RALYL: variants seen among roughly 807,000 people sequenced by gnomAD.
RALYL encodes the protein RALY RNA binding protein like, also known as RNA-binding Raly-like protein.
In RALYL, 29 loss-of-function variants were observed where a neutral mutation model predicts 35.1. That is an observed-to-expected ratio of 0.83 (90% confidence interval 0.61 to 1.13). The LOEUF (loss-of-function observed/expected upper bound fraction) is 1.13, where lower values mean the gene tolerates loss of function less well. Among genes scored for constraint, RALYL ranks in the 50% most tolerant of loss-of-function variants. The probability of loss-of-function intolerance (pLI) is 0.00; values close to 1 mark genes in which losing one functional copy is unlikely to be tolerated. For synonymous variants in RALYL, 120 were observed against 127.6 expected (o/e 0.94, Z 0.40); for missense variants, 359 against 360.4 (o/e 1.00, Z 0.03).
intron 2 of RALYL, among the ~76,000 whole-genome samples, chr8:84,647,567 A>G (rs1303135030): frequency 2.6e-5 from 4 of 152,100 alleles, no homozygotes; most frequent in Non-Finnish European, 5.9e-5. Context: ...TATAACCCAG[A>G]ATATGCAGTT....
intron 1 of RALYL, among the ~76,000 whole-genome samples, chr8:84,227,061 T>G (rs1009644688): frequency 8.0e-5 from 11 of 137,990 alleles, no homozygotes; most frequent in African/African-American, 3.0e-4. Flanking sequence ...TATTTCTTTT[T>G]TTTTTTTTTT....
rs1054194171 is a variant in RALYL at position 84,825,966 on chromosome 8, A to G, written c.365+21164A>G. On this transcript the variant is annotated intron_variant, in intron 4 of 8. Transcript: ENST00000521268. ...GTACACATACACCATGGAATACTAC[A>G]CAGACATGAAAAATAATAAAATTAT... Among the ~76,000 whole-genome samples, 4 of 152,170 alleles carry G rather than the reference A, an allele frequency of 2.6e-5. 1 individual carries two copies. Among genetic ancestry groups the G allele is most frequent in the African/African-American group, 9.7e-5 (4 of 41,414 alleles).
At chr8:84,614,887 C>A (rs1819109707) in intron 2 of RALYL, among the ~76,000 whole-genome samples, 1 of 150,588 alleles carries the variant, frequency 6.6e-6, no homozygotes, top group Admixed American at 6.6e-5. Context: ...CAGAATTATC[C>A]AGGAGGATAT....
intron 1 of RALYL, among the ~76,000 whole-genome samples, chr8:84,218,393 A>G (rs1459988173): frequency 6.6e-6 from 1 of 151,202 alleles, no homozygotes; most frequent in Non-Finnish European, 1.5e-5. Context: ...ATACACCATT[A>G]TTTTCTTAAA....
chr8:84,617,109 T>A (rs1434860271), intron 2 of RALYL, among the ~76,000 whole-genome samples: 1 of 150,586 alleles, frequency 6.6e-6, no homozygotes, highest in Non-Finnish European at 1.5e-5. Context: ...TTTAAAGTAG[T>A]TTTTTCCAAT....
At chr8:84,311,915 T>C (rs1444729760) in intron 1 of RALYL, among the ~76,000 whole-genome samples, 3 of 152,198 alleles carry the variant, frequency 2.0e-5, no homozygotes, top group African/African-American at 2.4e-5. Context: ...TCAGAGATTA[T>C]ACAATAAACA....
chr8:84,303,244 AGTT>A (rs1351653067), intron 1 of RALYL, among the ~76,000 whole-genome samples: 6 of 152,232 alleles, frequency 3.9e-5, no homozygotes, highest in African/African-American at 1.4e-4. Flanking sequence ...CATAATGTGT[AGTT>A]GTTATTGAAA....
intron 2 of RALYL, among the ~76,000 whole-genome samples, chr8:84,698,249 A>G (rs1839518544): frequency 3.3e-5 from 5 of 152,110 alleles, no homozygotes. Context: ...AAAATCCCTC[A>G]TACAAAGCAA....
intron 3 of RALYL, among the ~76,000 whole-genome samples, chr8:84,795,105 T>TG (rs1298125014): frequency 3.9e-5 from 6 of 152,190 alleles, no homozygotes; most frequent in Non-Finnish European, 7.3e-5. Flanking sequence ...TGAAAGCCTT[T>TG]GAAAAAGATA....
intron 1 of RALYL, among the ~76,000 whole-genome samples, chr8:84,510,694 C>G (rs1214345657): frequency 6.6e-6 from 1 of 152,060 alleles, no homozygotes; most frequent in Non-Finnish European, 1.5e-5. Context: ...CCTGTAGTCC[C>G]AGGTACTCTG....
At chr8:84,819,968 T>G (rs752164218) in intron 4 of RALYL, among the ~76,000 whole-genome samples, 1 of 152,104 alleles carries the variant, frequency 6.6e-6, no homozygotes, top group Non-Finnish European at 1.5e-5. Flanking sequence ...TCATATATCA[T>G]AGGGAACCCT....
At chr8:84,241,505 C>T (rs1383858412) in intron 1 of RALYL, among the ~76,000 whole-genome samples, 11 of 152,054 alleles carry the variant, frequency 7.2e-5, no homozygotes, top group African/African-American at 1.2e-4. Flanking sequence ...GGGCCTGGCG[C>T]GGTGGCTCAT....
At chr8:84,625,814 T>A (rs886504285) in intron 2 of RALYL, among the ~76,000 whole-genome samples, 9 of 151,390 alleles carry the variant, frequency 5.9e-5, no homozygotes, top group Non-Finnish European at 1.0e-4. Flanking sequence ...TCAGCAGGAG[T>A]TTTTGTTAGA....
At chr8:84,609,710 T>A (rs1005951978) in intron 2 of RALYL, among the ~76,000 whole-genome samples, 2 of 152,194 alleles carry the variant, frequency 1.3e-5, no homozygotes, top group African/African-American at 4.8e-5. Flanking sequence ...TAGCATCTTA[T>A]ATTAGCACAA....
At chr8:84,697,151 T>G (rs988690786) in intron 2 of RALYL, among the ~76,000 whole-genome samples, 1 of 151,974 alleles carries the variant, frequency 6.6e-6, no homozygotes, top group East Asian at 1.9e-4. Context: ...AATTTTAAAT[T>G]GGAAATAATT....
At position 84,271,943 on chromosome 8, in the gene RALYL, T is replaced by C. The variant is rs1188524149; in HGVS notation, c.-24+87519T>C. Among the ~76,000 whole-genome samples the C allele has an allele frequency of 2.6e-5, 4 of 152,190 alleles. No individual in the cohort carries two copies. The East Asian group carries it at 7.7e-4, about 29-fold the overall frequency. ...ATATAATGGTACTAAAATTGAATTG[T>C]GTGCTTAAAATAGATGAATTTTCTG... On this transcript the variant is annotated intron_variant, in intron 1 of 8. Coordinates refer to ENST00000521268, the MANE Select transcript of RALYL (RefSeq NM_173848.7).
chr8:84,770,222 A>G (rs1435354369), intron 2 of RALYL, among the ~76,000 whole-genome samples: 1 of 151,904 alleles, frequency 6.6e-6, no homozygotes, highest in African/African-American at 2.4e-5. Context: ...CGAGTCCCCA[A>G]AGTCCATTGT....
chr8:84,203,184 A>C (rs1280397398), intron 1 of RALYL, among the ~76,000 whole-genome samples: 1 of 152,086 alleles, frequency 6.6e-6, no homozygotes. Context: ...GGAAAAGGAG[A>C]TGTAAAGTAC....
Position 84,350,403 on chromosome 8 carries a change from A to T in RALYL, c.-24+165979A>T, listed in dbSNP as rs549085917. 1.1e-3 allele frequency among the ~76,000 whole-genome samples: 162 copies of T among 150,658 alleles called. 5 individuals are homozygous for T. The South Asian group carries it at 0.032, about 30-fold the overall frequency. On this transcript the variant is annotated intron_variant, in intron 1 of 8. Transcript: ENST00000521268. ...TTTTTGTAAAATGAAGAATTTTTTT[A>T]AATATTTGCCTATGAATTTAGTTTG...
Sources: allele counts gnomAD v4.1 joint callset (sites outside exome capture counted in the v4.1 genomes callset), GRCh38; gene constraint gnomAD v4.1.1; transcripts MANE v1.5; gene names NCBI Gene and HGNC (gene_info 2026-07-23, HGNC 2026-07-21).